Variants in EEF2K observed in about 807,000 individuals in gnomAD.
EEF2K encodes the protein eukaryotic elongation factor 2 kinase.
In EEF2K, 70 loss-of-function variants were observed where a neutral mutation model predicts 93.8. The ratio of observed to expected loss-of-function variants is 0.75; its 90% confidence interval spans 0.62 to 0.91. EEF2K has a LOEUF of 0.91. Among genes scored for constraint, EEF2K ranks in the 40% least tolerant of loss-of-function variants. EEF2K has a pLI of 0.00. For synonymous variants in EEF2K, 376 were observed against 380.8 expected (o/e 0.99, Z 0.15); for missense variants, 935 against 972.9 (o/e 0.96, Z 0.52).
At chr16:22,261,609 G>T (rs2047463010) in intron 11 of EEF2K, among the ~76,000 whole-genome samples, 1 of 151,230 alleles carries the variant, frequency 6.6e-6, no homozygotes, top group Non-Finnish European at 1.5e-5. Flanking sequence ...AGAATTTCTT[G>T]AACCCAGGAG....
At chr16:22,233,689 C>T (rs1172577153) in intron 2 of EEF2K, among the ~76,000 whole-genome samples, 1 of 152,054 alleles carries the variant, frequency 6.6e-6, no homozygotes, top group East Asian at 1.9e-4. Flanking sequence ...CTCCCCTGCC[C>T]CCTGGCAAAA....
intron 3 of EEF2K, among the ~76,000 whole-genome samples, chr16:22,246,930 C>T (rs1184890809): frequency 6.8e-6 from 1 of 147,244 alleles, no homozygotes; most frequent in Non-Finnish European, 1.5e-5. Context: ...CCCAGCTACT[C>T]AGGAGGCTAA....
At position 22,266,807 on chromosome 16, in the gene EEF2K, G is replaced by A. The variant is rs1166415791; in HGVS notation, c.1695G>A (p.Glu565=). Residue 565 remains glutamate (E), a synonymous_variant, in exon 15 of 18, where the codon GAG becomes GAA. Transcript: ENST00000263026. Reference sequence around the variant, plus strand: ...ACGCAGCCAACCTGGGCGAGCTGGAGGCCATCGTGGGCCTGGGACTCATGT... The same window carrying A: ...ACGCAGCCAACCTGGGCGAGCTGGAAGCCATCGTGGGCCTGGGACTCATGT... ...LEHAANLGEL[E]AIVGLGLMYS... 3 of 1,614,104 alleles carry A rather than the reference G, an allele frequency of 1.9e-6. No individual in the cohort carries two copies. Among genetic ancestry groups the A allele is most frequent in the East Asian group, 4.5e-5 (2 of 44,898 alleles).
rs61678774 is a variant in EEF2K, at chr16:22,254,127, CAATAAT to C, written c.619-2602_619-2597del. Among the ~76,000 whole-genome samples the C allele has an allele frequency of 4.0e-5, 6 of 150,464 alleles. No individual in the cohort carries two copies. The South Asian group carries it at 6.3e-4, about 16-fold the overall frequency. On this transcript the variant is annotated intron_variant, in intron 6 of 17. Coordinates refer to ENST00000263026, the MANE Select transcript of EEF2K (RefSeq NM_013302.5). ...ATAGTAGTAGTAGTAGTAGTAGTAA[CAATAAT>C]AATAATAATAATAATAATGTGGTTG... is the stretch of plus-strand genomic sequence containing the variant.
chr16:22,282,307 G>A (rs947741710), intron 17 of EEF2K, among the ~76,000 whole-genome samples: 2 of 152,220 alleles, frequency 1.3e-5, no homozygotes, highest in East Asian at 1.9e-4. Flanking sequence ...TTCTCACTGT[G>A]TCCTCACATG....
chr16:22,211,728 G>A (rs2046916305), intron 1 of EEF2K, among the ~76,000 whole-genome samples: 1 of 152,152 alleles, frequency 6.6e-6, no homozygotes, highest in Admixed American at 6.5e-5. Flanking sequence ...CTCCCAAAGT[G>A]CTGGGATTAC....
rs1333170038 is a variant in EEF2K, at chr16:22,264,834, A to G, written c.1394A>G (p.Asn465Ser). 6.2e-7 allele frequency: 1 copy of G among 1,613,984 alleles called. No homozygotes were observed. ...EPREHGHSYS[N>S]RKYESDEDSL... is the part of the protein sequence containing the mutation. Reference sequence around the variant, plus strand: ...TCCGTTCAGGGCCACTCATACAGTAATCGGAAGTACGAGTCTGACGAAGAC... The same window carrying G: ...TCCGTTCAGGGCCACTCATACAGTAGTCGGAAGTACGAGTCTGACGAAGAC... Residue 465 changes from asparagine to serine, a missense_variant, in exon 13 of 18, where the codon AAT becomes AGT. Transcript: ENST00000263026.
intron 2 of EEF2K, among the ~76,000 whole-genome samples, chr16:22,235,410 T>C (rs1179054404): frequency 2.0e-5 from 3 of 152,166 alleles, no homozygotes; most frequent in East Asian, 3.9e-4. Flanking sequence ...AATATGGATG[T>C]AGTGTCTTGA....
At chr16:22,242,751 T>C (rs2047236722) in intron 2 of EEF2K, among the ~76,000 whole-genome samples, 1 of 152,126 alleles carries the variant, frequency 6.6e-6, no homozygotes, top group Non-Finnish European at 1.5e-5. Flanking sequence ...CGATGAATTT[T>C]CCTGCATCCC....
intron 3 of EEF2K, among the ~76,000 whole-genome samples, chr16:22,247,728 G>C (rs2141667434): frequency 6.6e-6 from 1 of 152,256 alleles, no homozygotes; most frequent in South Asian, 2.1e-4. Context: ...GTATCTTTGA[G>C]TCTTCATTCT....
At chr16:22,258,032 G>T (rs939156727) in intron 9 of EEF2K, among the ~76,000 whole-genome samples, 2 of 152,164 alleles carry the variant, frequency 1.3e-5, no homozygotes, top group Non-Finnish European at 2.9e-5. Flanking sequence ...GAACAGGCAC[G>T]TGGAGATAGT....
rs987550359 is a variant in EEF2K, at chr16:22,206,547, C to G, written c.-209C>G. On this transcript the variant is annotated 5_prime_UTR_variant, in exon 1 of 18. Transcript: ENST00000263026. ...CCGGAGCGCCAGCTAGCGCTCCCCG[C>G]TCTCCGCTCCCCGGCACTCTCGGGG... 1.3e-5 allele frequency: 2 copies of G among 152,324 alleles called. No homozygotes were observed. The highest frequency in any genetic ancestry group is 4.8e-5 in the African/African-American group (2 of 41,362). 9.4% of individuals were successfully genotyped at this position (152,324 alleles called of 1,614,324 possible).
intron 2 of EEF2K, among the ~76,000 whole-genome samples, chr16:22,235,655 G>A (rs1253534371): frequency 2.0e-5 from 3 of 152,016 alleles, no homozygotes; most frequent in South Asian, 2.1e-4. Flanking sequence ...GCACCACCAC[G>A]CCTGACTAAT....
chr16:22,244,718 C>T lies in EEF2K; in HGVS notation c.335C>T (p.Ala112Val). 6.2e-7 allele frequency: 1 copy of T among 1,613,932 alleles called. No homozygotes were observed. The highest frequency in any genetic ancestry group is 1.1e-5 in the South Asian group (1 of 91,076). Residue 112 changes from alanine (A) to valine (V), a missense_variant, in exon 3 of 18, where the codon GCT (alanine) becomes GTT (valine). Coordinates refer to ENST00000263026, the MANE Select transcript of EEF2K (RefSeq NM_013302.5). Reference protein sequence around the residue: ...FHLEDIATERATRHRYNAVTG... With the variant: ...FHLEDIATERVTRHRYNAVTG... ...CTGGAAGATATTGCCACCGAACGTGCTACTCGACACAGGTCAGCAGCTTGT... is the reference window on the plus strand; with the variant it reads ...CTGGAAGATATTGCCACCGAACGTGTTACTCGACACAGGTCAGCAGCTTGT...
intron 2 of EEF2K, among the ~76,000 whole-genome samples, chr16:22,229,427 G>T (rs1053894547): frequency 2.0e-5 from 3 of 152,144 alleles, no homozygotes; most frequent in African/African-American, 7.2e-5. Context: ...AAAGAAGACG[G>T]GGAGAAGCCG....
chr16:22,284,162 C>T lies in EEF2K; in HGVS notation c.*166C>T. 8.9e-6 allele frequency: 6 copies of T among 672,712 alleles called. No homozygotes were observed. The highest frequency in any genetic ancestry group is 7.7e-5 in the South Asian group (4 of 51,626). The allele number at this position is 672,712 out of a possible 1,614,324, so 41.7% of individuals were successfully genotyped here. On this transcript the variant is annotated 3_prime_UTR_variant, in exon 18 of 18. Transcript: ENST00000263026. ...TGACTCTTGAAAAATGTCTTTGCTC[C>T]TTGGCAGCTACCAGCAGAGACTCTA...
chr16:22,229,101 T>C (rs1326362044), intron 2 of EEF2K, among the ~76,000 whole-genome samples: 10 of 152,056 alleles, frequency 6.6e-5, no homozygotes, highest in Admixed American at 6.6e-4. Flanking sequence ...ATCGCACCAC[T>C]GCACTCCAGC....
chr16:22,245,119 A>G (rs758793429), intron 3 of EEF2K, among the ~76,000 whole-genome samples: 1 of 151,874 alleles, frequency 6.6e-6, no homozygotes, highest in Admixed American at 6.6e-5. Context: ...AAAATTAGCC[A>G]TAGCCAAGCG....
chr16:22,207,215 G>T (rs137879437), intron 1 of EEF2K, among the ~76,000 whole-genome samples: 15 of 152,348 alleles, frequency 9.8e-5, no homozygotes, highest in South Asian at 6.2e-4. Context: ...GTGGCCGCGC[G>T]GGGGTGGGGG....
Sources: allele counts gnomAD v4.1 joint callset (sites outside exome capture counted in the v4.1 genomes callset), GRCh38; gene constraint gnomAD v4.1.1; transcripts MANE v1.5; gene names NCBI Gene and HGNC (gene_info 2026-07-23, HGNC 2026-07-21).